Variants in SDK1 observed in about 807,000 individuals in gnomAD.
The protein encoded by SDK1 is protein sidekick-1.
Under a neutral mutation model 245.5 loss-of-function variants are expected in SDK1, and 157 were observed. The observed-to-expected ratio is 0.64, with a 90% CI of 0.56 to 0.73. SDK1 has a LOEUF of 0.73. SDK1 is among the 30% of genes least tolerant of loss of function. The pLI, the probability that SDK1 is intolerant of heterozygous loss-of-function variation, is 0.00. For missense variants in SDK1, 3,583 were observed against 3,002.3 expected, an observed-to-expected ratio of 1.19 and a Z score of -4.52; for synonymous variants, 1,647 against 1,278.5, an observed-to-expected ratio of 1.29 and a Z score of -6.15.
chr7:3,469,996 A>C (rs1781130386), intron 1 of SDK1, among the ~76,000 whole-genome samples: 1 of 152,312 alleles, frequency 6.6e-6, no homozygotes. Flanking sequence ...CACAAAATGC[A>C]TGCAGTAATA....
chr7:3,927,294 A>T (rs997410565), intron 5 of SDK1, among the ~76,000 whole-genome samples: 7 of 151,978 alleles, frequency 4.6e-5, no homozygotes, highest in African/African-American at 1.4e-4. Flanking sequence ...TTTTTTTTTT[A>T]AATTCAGGAA....
intron 1 of SDK1, among the ~76,000 whole-genome samples, chr7:3,414,691 G>A (rs1779312543): frequency 6.6e-6 from 1 of 152,106 alleles, no homozygotes; most frequent in African/African-American, 2.4e-5. Flanking sequence ...CTTGACTGCA[G>A]AACATTTTTA....
At chr7:3,990,708 C>G (rs775850607) in intron 14 of SDK1, among the ~76,000 whole-genome samples, 5 of 152,204 alleles carry the variant, frequency 3.3e-5, no homozygotes, top group Non-Finnish European at 5.9e-5. Flanking sequence ...TTAGTACGTA[C>G]TCAGCAAATG....
chr7:3,534,604 A>T (rs1778819912), intron 1 of SDK1, among the ~76,000 whole-genome samples: 1 of 151,982 alleles, frequency 6.6e-6, no homozygotes, highest in South Asian at 2.1e-4. Flanking sequence ...ACTGTGGCTT[A>T]GCTTTGCATG....
intron 1 of SDK1, among the ~76,000 whole-genome samples, chr7:3,476,839 C>T (rs541033151): frequency 2.0e-5 from 3 of 152,056 alleles, no homozygotes; most frequent in East Asian, 3.9e-4. Context: ...ATCTAACTAG[C>T]GGGTGGTATT....
In SDK1 at chr7:3,335,001, C is replaced by G. The variant is rs376624733; in HGVS notation, c.298+33117C>G. ...TCATTTTTTTTCTTCTCTAATTTAT[C>G]ACCCTGAATCCCATTAGTAAATTCT... On this transcript the variant is annotated intron_variant, in intron 1 of 44. Coordinates refer to ENST00000404826, the MANE Select transcript of SDK1 (RefSeq NM_152744.4). Among the ~76,000 whole-genome samples the G allele has an allele frequency of 7.9e-5, 12 of 152,184 alleles. No homozygotes were observed. The East Asian group carries it at 2.3e-3, about 29-fold the overall frequency.
chr7:3,732,137 G>C (rs1459098014), intron 4 of SDK1, among the ~76,000 whole-genome samples: 3 of 152,198 alleles, frequency 2.0e-5, no homozygotes, highest in African/African-American at 7.2e-5. Context: ...ATATTTGTTA[G>C]CAGTGACTAC....
intron 4 of SDK1, among the ~76,000 whole-genome samples, chr7:3,817,734 A>C (rs1197407232): frequency 6.6e-6 from 1 of 152,164 alleles, no homozygotes; most frequent in African/African-American, 2.4e-5. Flanking sequence ...ATCTCAATGC[A>C]GGTGGTCAGA....
At chr7:3,549,595 C>T (rs949376526) in intron 1 of SDK1, among the ~76,000 whole-genome samples, 5 of 152,146 alleles carry the variant, frequency 3.3e-5, no homozygotes, top group East Asian at 1.9e-4. Context: ...TTTACATCTG[C>T]GATCAGAGTT....
In SDK1 at chr7:3,950,244, G is replaced by C. The variant is rs987812663; in HGVS notation, c.848-679G>C. 4.2e-4 allele frequency among the ~76,000 whole-genome samples: 64 copies of C among 152,196 alleles called. 1 individual carries two copies. The highest frequency in any genetic ancestry group is 1.5e-3 in the African/African-American group (61 of 41,452). On this transcript the variant is annotated intron_variant, in intron 5 of 44. Transcript: ENST00000404826. ...CCCCATCTCATGTGGTCTGAGAAAG[G>C]CCAGGGACAGTGACCCTGCCCCAGG...
rs891203824 is a variant in SDK1, at chr7:3,974,706, T to G, written c.1994+161T>G. ...TGCATAACTACATATATGGACAAGG[T>G]TTTTTTGTGGTTTCTTTCAACTTCG... On this transcript the variant is annotated intron_variant, in intron 13 of 44. Coordinates refer to ENST00000404826, the MANE Select transcript of SDK1 (RefSeq NM_152744.4). The G allele has an allele frequency of 1.0e-5, 6 of 596,782 alleles. No individual in the cohort carries two copies. In the African/African-American group the frequency reaches 1.1e-4, roughly 11 times the overall value. 37.0% of individuals were successfully genotyped at this position (596,782 alleles called of 1,614,324 possible).
chr7:3,629,315 A>G (rs1053233084), intron 2 of SDK1, among the ~76,000 whole-genome samples: 1 of 151,744 alleles, frequency 6.6e-6, no homozygotes, highest in Non-Finnish European at 1.5e-5. Context: ...AAAAAAAGAA[A>G]AAAAAGAAAA....
chr7:4,019,966 T>A (rs1786750322), intron 17 of SDK1, among the ~76,000 whole-genome samples: 1 of 152,196 alleles, frequency 6.6e-6, no homozygotes, highest in African/African-American at 2.4e-5. Flanking sequence ...TCCCGTGTGC[T>A]CAGTGGGATG....
intron 14 of SDK1, among the ~76,000 whole-genome samples, chr7:4,007,085 T>G (rs1403635792): frequency 6.6e-6 from 1 of 152,246 alleles, no homozygotes; most frequent in African/African-American, 2.4e-5. Context: ...GACACTGTGA[T>G]GTCTGAAGGA....
chr7:4,062,668 C>G (rs1583988315), intron 19 of SDK1, among the ~76,000 whole-genome samples: 1 of 152,162 alleles, frequency 6.6e-6, no homozygotes, highest in East Asian at 1.9e-4. Flanking sequence ...AAACTACAGT[C>G]CATTATCCCT....
intron 5 of SDK1, among the ~76,000 whole-genome samples, chr7:3,935,809 G>C (rs918258868): frequency 2.0e-5 from 3 of 152,222 alleles, no homozygotes; most frequent in African/African-American, 7.2e-5. Flanking sequence ...GTATGACGAA[G>C]TAGCCTTTGG....
At chr7:4,252,999 A>C (rs1176754302) in intron 44 of SDK1, among the ~76,000 whole-genome samples, 1 of 152,128 alleles carries the variant, frequency 6.6e-6, no homozygotes, top group African/African-American at 2.4e-5. Context: ...TCAATAATTC[A>C]TTCCTGATTT....
chr7:4,101,783 C>G (rs1432527889), intron 22 of SDK1, among the ~76,000 whole-genome samples: 1 of 152,142 alleles, frequency 6.6e-6, no homozygotes, highest in Non-Finnish European at 1.5e-5. Context: ...GCACCCAGGT[C>G]TCTGTCTCCT....
Position 4,265,887 on chromosome 7 carries a change from T to G in SDK1, c.*503T>G. 1 of 986,706 alleles carries G rather than the reference T, an allele frequency of 1.0e-6. No individual in the cohort carries two copies. The allele number at this position is 986,706 out of a possible 1,614,324, so 61.1% of individuals were successfully genotyped here. ...CCTGGGGTTTGAAGAGCAAACGTTT[T>G]TCCCTGGGCTCAGTGCGTTTTGTCC... On this transcript the variant is annotated 3_prime_UTR_variant, in exon 45 of 45. Coordinates refer to ENST00000404826, the MANE Select transcript of SDK1 (RefSeq NM_152744.4).
Sources: allele counts gnomAD v4.1 joint callset (sites outside exome capture counted in the v4.1 genomes callset), GRCh38; gene constraint gnomAD v4.1.1; transcripts MANE v1.5; gene names NCBI Gene and HGNC (gene_info 2026-07-23, HGNC 2026-07-21).